DPP6: variants seen among roughly 807,000 people sequenced by gnomAD.
DPP6 encodes the protein A-type potassium channel modulatory protein DPP6.
Under a neutral mutation model 122.6 loss-of-function variants are expected in DPP6, and 69 were observed. The observed-to-expected ratio is 0.56, with a 90% CI of 0.46 to 0.69. DPP6 has a LOEUF of 0.69. DPP6 is among the 30% of genes least tolerant of loss of function. The pLI is 0.00. For synonymous variants in DPP6, 418 were observed against 433.1 expected (o/e 0.97, Z 0.43); for missense variants, 928 against 1,116.9 (o/e 0.83, Z 2.41).
At chr7:154,467,024 T>C (rs752769650) in intron 2 of DPP6, among the ~76,000 whole-genome samples, 2 of 152,162 alleles carry the variant, frequency 1.3e-5, no homozygotes, top group Non-Finnish European at 2.9e-5. Context: ...GTAAACACAG[T>C]AGTGGGACGG....
intron 1 of DPP6, among the ~76,000 whole-genome samples, chr7:154,019,527 C>A (rs576473504): frequency 7.9e-5 from 12 of 151,908 alleles, no homozygotes; most frequent in African/African-American, 2.9e-4. Flanking sequence ...CAACACCAGG[C>A]TCCATATTTA....
chr7:154,608,115 G>T (rs1169789053), intron 5 of DPP6, among the ~76,000 whole-genome samples: 1 of 148,404 alleles, frequency 6.7e-6, no homozygotes, highest in Non-Finnish European at 1.5e-5. Flanking sequence ...AAGTAGCTGG[G>T]ATTACAGGCA....
At chr7:154,171,647 C>T (rs867330129) in intron 1 of DPP6, among the ~76,000 whole-genome samples, 41 of 152,126 alleles carry the variant, frequency 2.7e-4, no homozygotes, top group African/African-American at 9.7e-4. Flanking sequence ...GGCCAGGATT[C>T]ACAAGCAGAA....
At chr7:153,839,909 G>T in the DPP6 span, among the ~76,000 whole-genome samples, 1 of 152,212 alleles carries the variant, frequency 6.6e-6, no homozygotes, top group African/African-American at 2.4e-5. Flanking sequence ...TTGGAGAACT[G>T]TGGGTCTTTA....
chr7:154,802,635 G>T (rs1251247054), intron 13 of DPP6, among the ~76,000 whole-genome samples: 1 of 152,188 alleles, frequency 6.6e-6, no homozygotes, highest in Non-Finnish European at 1.5e-5. Context: ...AAGGCAGGTG[G>T]ATTACCTGAG....
At chr7:154,475,707 T>G (rs1399516930) in intron 3 of DPP6, 1 of 152,606 alleles carries the variant, frequency 6.6e-6, no homozygotes, top group East Asian at 1.9e-4. Context: ...ATAATTCAAG[T>G]GCATCCATGG....
the DPP6 span, among the ~76,000 whole-genome samples, chr7:153,818,285 C>T: frequency 6.6e-6 from 1 of 152,050 alleles, no homozygotes; most frequent in Non-Finnish European, 1.5e-5. Flanking sequence ...GAGACAGCGG[C>T]GGTGGCAGCT....
intron 1 of DPP6, among the ~76,000 whole-genome samples, chr7:154,262,269 T>C (rs1033878395): frequency 6.6e-6 from 1 of 152,132 alleles, no homozygotes; most frequent in Non-Finnish European, 1.5e-5. Flanking sequence ...GAAGAGCTAA[T>C]TGGTTGTGAG....
chr7:154,643,439 G>A (rs1420663776), intron 6 of DPP6, among the ~76,000 whole-genome samples: 2 of 147,786 alleles, frequency 1.4e-5, no homozygotes, highest in African/African-American at 5.0e-5. Context: ...ATAATAAAAT[G>A]TTATAAAGTC....
chr7:154,804,396 C>T (rs188278986), intron 14 of DPP6, among the ~76,000 whole-genome samples: 6 of 152,306 alleles, frequency 3.9e-5, no homozygotes, highest in East Asian at 3.9e-4. Context: ...CAGTTGGTAG[C>T]GGGTAGATTT....
At position 154,881,031 on chromosome 7, in the gene DPP6, G is replaced by A. The variant is rs577815791; in HGVS notation, c.2133+89G>A. On this transcript the variant is annotated intron_variant, in intron 21 of 25. Coordinates refer to ENST00000377770, the MANE Select transcript of DPP6 (RefSeq NM_130797.4). ...CGTCTAATCCTGATTTATTGAGAAC[G>A]TCTGTGGTCTGCTGGTGAGCAAGTA... 77 of 1,467,042 alleles carry A rather than the reference G, an allele frequency of 5.2e-5. 1 individual carries two copies. Among genetic ancestry groups the A allele is most frequent in the South Asian group, 2.2e-4 (14 of 62,752 alleles). 90.9% of individuals were successfully genotyped at this position (1,467,042 alleles called of 1,614,324 possible).
At chr7:154,268,729 C>T (rs923488489) in intron 1 of DPP6, among the ~76,000 whole-genome samples, 9 of 152,076 alleles carry the variant, frequency 5.9e-5, no homozygotes, top group South Asian at 4.1e-4. Flanking sequence ...TGCGATGACA[C>T]GTGGCCTGCT....
chr7:154,195,899 C>T (rs780489392), intron 1 of DPP6, among the ~76,000 whole-genome samples: 5 of 152,170 alleles, frequency 3.3e-5, no homozygotes, highest in Non-Finnish European at 7.3e-5. Flanking sequence ...ACCTGTGCCT[C>T]GTTCTTACAT....
chr7:154,167,200 C>T (rs1465707299), intron 1 of DPP6, among the ~76,000 whole-genome samples: 3 of 152,132 alleles, frequency 2.0e-5, no homozygotes, highest in Non-Finnish European at 4.4e-5. Context: ...AAATGGAAAC[C>T]GTATGGTGGC....
intron 8 of DPP6, among the ~76,000 whole-genome samples, chr7:154,745,241 A>G (rs10272983): frequency 0.049 from 7,480 of 152,212 alleles, 618 homozygotes; most frequent in African/African-American, 0.17. Context: ...AGGTCTCCAT[A>G]GTGGAGTGGG....
At chr7:153,781,923 T>C in the DPP6 span, among the ~76,000 whole-genome samples, 1 of 148,992 alleles carries the variant, frequency 6.7e-6, no homozygotes, top group Non-Finnish European at 1.5e-5. Context: ...CTATTTTAAA[T>C]TTATAAACTT....
At chr7:154,654,528 C>T (rs1242124172) in intron 6 of DPP6, among the ~76,000 whole-genome samples, 2 of 151,886 alleles carry the variant, frequency 1.3e-5, no homozygotes, top group Admixed American at 1.3e-4. Flanking sequence ...AGGCGATTCT[C>T]CTGCCTCAGC....
upstream of DPP6, among the ~76,000 whole-genome samples, chr7:153,886,604 C>T (rs1234035688): frequency 6.6e-6 from 1 of 152,180 alleles, no homozygotes; most frequent in African/African-American, 2.4e-5. Context: ...GGAGAGCGGC[C>T]CCTGCCACCC....
intron 3 of DPP6, among the ~76,000 whole-genome samples, chr7:154,515,893 A>G (rs140660411): frequency 1.5e-3 from 235 of 152,298 alleles, no homozygotes; most frequent in Middle Eastern, 6.8e-3. Flanking sequence ...AGGAAAAACC[A>G]TCATCAATTT....
Sources: gnomAD v4.1 joint callset for allele counts (sites outside exome capture counted in the v4.1 genomes callset) on GRCh38, gnomAD v4.1.1 for gene constraint, MANE v1.5 for transcripts, NCBI Gene and HGNC (gene_info 2026-07-23, HGNC 2026-07-21) for gene names.